The following PIK3C2B variants were observed in gnomAD, a reference collection of about 807,000 sequenced individuals.
PIK3C2B encodes phosphatidylinositol 4-phosphate 3-kinase C2 domain-containing subunit beta.
In PIK3C2B, 83 loss-of-function variants were observed where a neutral mutation model predicts 184.3. That is an observed-to-expected ratio of 0.45 (90% CI 0.38 to 0.54). PIK3C2B has a LOEUF of 0.54. Ranked by LOEUF, PIK3C2B falls within the 20% of genes least tolerant of loss-of-function variation. The pLI, the probability that PIK3C2B is intolerant of heterozygous loss-of-function variation, is 0.00. For synonymous variants in PIK3C2B, 779 were observed against 837.6 expected (o/e 0.93, Z 1.21); for missense variants, 1,736 against 2,113.5 (o/e 0.82, Z 3.50).
chr1:204,455,755 T>A, intron 11 of PIK3C2B, 101 bp downstream of exon 11: 1 of 930,762 alleles, frequency 1.1e-6, no homozygotes, highest in African/African-American at 1.6e-5. Context: ...ATGCCACACA[T>A]CCTAAGACTT....
intron 28 of PIK3C2B, among the ~76,000 whole-genome samples, chr1:204,430,438 C>A (rs577455348): frequency 6.6e-6 from 1 of 152,120 alleles, no homozygotes; most frequent in Admixed American, 6.5e-5. Flanking sequence ...CTCCACCACC[C>A]GGGTTCAAGC....
chr1:204,445,988 G>A lies in PIK3C2B; in HGVS notation c.2646C>T (p.Asn882=). ...GCAGGAGCCCCAGGGCATCCTGGTGGTTCATGTGGGTCCACTGCTTCAGGA... is the reference window on the plus strand; with the variant it reads ...GCAGGAGCCCCAGGGCATCCTGGTGATTCATGTGGGTCCACTGCTTCAGGA... ...YVLLKQWTHM[N]HQDALGLLHA... Residue 882 remains asparagine, a synonymous_variant, in exon 16 of 33, where the codon AAC becomes AAT. Transcript: ENST00000684373. 1 of 1,569,746 alleles carries A rather than the reference G, an allele frequency of 6.4e-7. No homozygotes were observed. The highest frequency in any genetic ancestry group is 8.7e-7 in the Non-Finnish European group (1 of 1,152,458).
chr1:204,470,388 G>C (rs1054639746), intron 1 of PIK3C2B, among the ~76,000 whole-genome samples: 2 of 152,116 alleles, frequency 1.3e-5, no homozygotes, highest in Non-Finnish European at 2.9e-5. Context: ...GGCTGGTTTC[G>C]AACTCTTGAC....
chr1:204,454,138 A>G lies in PIK3C2B; in HGVS notation c.2066+531T>C, dbSNP rs1356130097. Among the ~76,000 whole-genome samples, 3 of 151,966 alleles carry G rather than the reference A, an allele frequency of 2.0e-5. No homozygotes were observed. In the East Asian group the frequency reaches 5.8e-4, roughly 29 times the overall value. Reference sequence around the variant, plus strand: ...AGCCTTTATAGATACTTCTCATTGGATCCTCATGACAACTTGAGAAGTGGT... The same window carrying G: ...AGCCTTTATAGATACTTCTCATTGGGTCCTCATGACAACTTGAGAAGTGGT... On this transcript the variant is annotated intron_variant, in intron 12 of 32. Transcript: ENST00000684373.
Position 204,449,872 on chromosome 1 carries a change from T to C in PIK3C2B, c.2212A>G (p.Thr738Ala). The change falls in exon 13 of 33, where the codon ACC becomes GCC. Residue 738 changes from threonine (T) to alanine (A), a missense_variant. This residue lies in a region of PIK3C2B where 609 missense variants were observed against 699.2 expected (regional missense o/e 0.87). Transcript: ENST00000684373. ...TACTGCCTGAAGTTGAAGAGTGGGG[T>C]AGTGACCCAGCCCAGGGCTTCAGGC... ...RVPEALGWVTTPLFNFRQVLT... is the reference protein window; with the variant it reads ...RVPEALGWVTAPLFNFRQVLT... The C allele has an allele frequency of 6.2e-7, 1 of 1,612,352 alleles. No individual in the cohort carries two copies. The highest frequency in any genetic ancestry group is 1.3e-5 in the African/African-American group (1 of 74,930).
In PIK3C2B at chr1:204,447,661, C is replaced by G. The variant is rs79889539; in HGVS notation, c.2347-83G>C. The G allele has an allele frequency of 1.4e-3, 1,293 of 950,886 alleles. 8 individuals carry two copies. In the African/African-American group the frequency reaches 0.017, roughly 13 times the overall value. The allele number at this position is 950,886 out of a possible 1,614,324, so 58.9% of individuals were successfully genotyped here. A position where few individuals can be genotyped will look rare whatever the true frequency, so the allele number is the denominator to read the frequency against. Reference sequence around the variant, plus strand: ...AGCTTCTTTCTCTCACCCCAGCATTCCGGCCTTGTCCCTCCCTCACTTTCC... The same window carrying G: ...AGCTTCTTTCTCTCACCCCAGCATTGCGGCCTTGTCCCTCCCTCACTTTCC... On this transcript the variant is annotated intron_variant, in intron 14 of 32. Transcript: ENST00000684373. This position sits in a 1 kb window ranked among gnomAD's most constrained non-coding sequence, Gnocchi z 4.1.
At position 204,428,135 on chromosome 1, in the gene PIK3C2B, G is replaced by A; in HGVS notation, c.4480+4C>T. 3.2e-6 allele frequency: 5 copies of A among 1,580,202 alleles called. No homozygotes were observed. Among genetic ancestry groups the A allele is most frequent in the Non-Finnish European group, 4.3e-6 (5 of 1,149,508 alleles). On this transcript the variant is annotated splice_donor_region_variant and intron_variant, in intron 30 of 32. Coordinates refer to ENST00000684373, the MANE Select transcript of PIK3C2B (RefSeq NM_001377334.1). ...GCAGTAAGGTCTCAGAGAAGATACT[G>A]TACCTGAGGACTTAGGAGCTGGGCT...
chr1:204,466,326 G>A (rs1359822614), intron 2 of PIK3C2B, among the ~76,000 whole-genome samples: 2 of 152,206 alleles, frequency 1.3e-5, no homozygotes, highest in East Asian at 1.9e-4. Context: ...ACATAGCAAC[G>A]CCTCACATCT....
At chr1:204,459,276 CAAAGG>C (rs1464692904) in intron 8 of PIK3C2B, among the ~76,000 whole-genome samples, 1 of 152,200 alleles carries the variant, frequency 6.6e-6, no homozygotes, top group Admixed American at 6.5e-5. Context: ...CTCAGTTTCC[CAAAGG>C]GTTAGGATTA....
At chr1:204,483,003 G>C (rs768099404) in intron 1 of PIK3C2B, among the ~76,000 whole-genome samples, 1 of 152,072 alleles carries the variant, frequency 6.6e-6, no homozygotes, top group Non-Finnish European at 1.5e-5. Flanking sequence ...GTACAGCGTG[G>C]TATGGACTCC....
chr1:204,440,495 C>T (rs1675592128), intron 21 of PIK3C2B, among the ~76,000 whole-genome samples, 174 bp from the exon 22 acceptor site: 1 of 152,054 alleles, frequency 6.6e-6, no homozygotes, highest in Admixed American at 6.6e-5. Flanking sequence ...GGAAGCTTCC[C>T]AGTTTGCCCA....
chr1:204,428,781 C>T (rs1674882131), intron 29 of PIK3C2B: 1 of 346,690 alleles, frequency 2.9e-6, no homozygotes, highest in African/African-American at 2.2e-5. Context: ...CTGCACCTGG[C>T]ATGTTATTTA....
intron 28 of PIK3C2B, among the ~76,000 whole-genome samples, chr1:204,430,712 G>A (rs553051222): frequency 8.9e-5 from 13 of 146,102 alleles, no homozygotes; most frequent in South Asian, 4.4e-4. Flanking sequence ...AGGCTGGAGC[G>A]CAGTCACGTG....
intron 22 of PIK3C2B, 73 bp from the exon 23 acceptor site, chr1:204,439,144 T>A (rs1675509978): frequency 6.8e-7 from 1 of 1,479,500 alleles, no homozygotes; most frequent in East Asian, 2.3e-5. Flanking sequence ...CTACAAGGAC[T>A]GTGCTCATGC....
chr1:204,432,176 G>C, intron 27 of PIK3C2B, 24 bp downstream of exon 27: 5 of 1,600,792 alleles, frequency 3.1e-6, no homozygotes, highest in Non-Finnish European at 4.3e-6. Flanking sequence ...CAGGAAAGGG[G>C]GTCAGATTGG....
Position 204,455,947 on chromosome 1 carries a change from G to A in PIK3C2B, c.1852C>T (p.His618Tyr). The part of the protein sequence containing the change: ...FQTAVPGSRK[H>Y]DLVQEACHFA... ...TGGCAGGCCTCCTGGACCAGGTCAT[G>A]CTTGCGGCTCCCGGGCACTGCCGTC... The change falls in exon 11 of 33, where the codon CAT becomes TAT. Residue 618 changes from histidine (H) to tyrosine (Y), a missense_variant. His to Tyr is a moderately conservative substitution (Grantham distance 83, BLOSUM62 2). Transcript: ENST00000684373. 1 of 1,614,218 alleles carries A rather than the reference G, an allele frequency of 6.2e-7. No individual in the cohort carries two copies. Among genetic ancestry groups the A allele is most frequent in the Middle Eastern group, 1.6e-4 (1 of 6,062 alleles).
rs1656126427 is a variant in PIK3C2B at position 204,469,591 on chromosome 1, G to A, written c.212C>T (p.Pro71Leu). 2.5e-6 allele frequency: 4 copies of A among 1,598,624 alleles called. No individual in the cohort carries two copies. The highest frequency in any genetic ancestry group is 1.7e-5 in the Admixed American group (1 of 58,740). The part of the protein sequence containing the change: ...DEPGVDFYSK[P>L]AGRRTDLKLL... ...CTTGAGGTCGGTCCGCCTTCCTGCT[G>A]GCTTGCTGTAAAAGTCTACCCCAGG... The change falls in exon 2 of 33, where the codon CCA becomes CTA. Residue 71 changes from proline (P) to leucine (L), a missense_variant. Pro to Leu is a moderately conservative substitution (Grantham distance 98). Transcript: ENST00000684373.
chr1:204,492,040 G>A lies in PIK3C2B; in HGVS notation c.-85+2316C>T, dbSNP rs146030174. Among the ~76,000 whole-genome samples, 483 of 152,208 alleles carry A rather than the reference G, an allele frequency of 3.2e-3. 1 individual carries two copies. Among genetic ancestry groups the A allele is most frequent in the Middle Eastern group, 0.014 (4 of 294 alleles). ...GTATTGTCACACTACTCTTTCCTTA[G>A]CAAGAAAGAAAAGGTCCCAAAACAT... On this transcript the variant is annotated intron_variant, in intron 1 of 32. Transcript: ENST00000684373.
chr1:204,488,249 G>T (rs1378816438), intron 1 of PIK3C2B, among the ~76,000 whole-genome samples: 2 of 152,152 alleles, frequency 1.3e-5, no homozygotes, highest in Non-Finnish European at 2.9e-5. Context: ...GTGAATAAAT[G>T]TAAGAATGAA....
Sources: gnomAD v4.1 joint callset for allele counts (sites outside exome capture counted in the v4.1 genomes callset) on GRCh38, gnomAD v4.1.1 for gene constraint, gnomAD v4.1.1 regional missense constraint, Gnocchi (gnomAD v3.1) non-coding constraint, MANE v1.5 for transcripts, NCBI Gene and HGNC (gene_info 2026-07-23, HGNC 2026-07-21) for gene names.